ZNF385C: variants seen among roughly 807,000 people sequenced by gnomAD.
ZNF385C encodes the protein CTD-2132N18.2.
Under a neutral mutation model 35.4 loss-of-function variants are expected in ZNF385C, and 28 were observed. The ratio of observed to expected loss-of-function variants is 0.79; its 90% CI spans 0.59 to 1.08. ZNF385C has a LOEUF of 1.08. Among genes scored for constraint, ZNF385C ranks in the 50% least tolerant of loss-of-function variants. The probability of loss-of-function intolerance (pLI) is 0.00; values close to 1 mark genes in which losing one functional copy is unlikely to be tolerated. For synonymous variants in ZNF385C, 248 were observed against 248.2 expected, an observed-to-expected ratio of 1.00 and a Z score of 0.01; for missense variants, 605 against 595.6, an observed-to-expected ratio of 1.02 and a Z score of -0.16.
At chr17:42,079,169 T>G (rs1555659519) in intron 1 of ZNF385C, among the ~76,000 whole-genome samples, 1 of 127,756 alleles carries the variant, frequency 7.8e-6, no homozygotes, top group African/African-American at 3.1e-5. Context: ...CTGAGAAACA[T>G]GACAAAACCC....
chr17:42,063,988 G>T (rs1004400364), intron 1 of ZNF385C, among the ~76,000 whole-genome samples: 1 of 151,900 alleles, frequency 6.6e-6, no homozygotes, highest in Admixed American at 6.6e-5. Context: ...TGGTGGTTTC[G>T]GTAGAGACCT....
At chr17:42,063,747 G>A (rs531174475) in intron 1 of ZNF385C, among the ~76,000 whole-genome samples, 1 of 152,136 alleles carries the variant, frequency 6.6e-6, no homozygotes, top group Non-Finnish European at 1.5e-5. Context: ...TTGAGGAAGC[G>A]AGAGTCCTGT....
chr17:42,043,479 G>T lies in ZNF385C; in HGVS notation c.251-5594C>A, dbSNP rs1194072703. 4 of 1,088,626 alleles carry T rather than the reference G, an allele frequency of 3.7e-6. No individual in the cohort carries two copies. The Admixed American group carries it at 1.7e-4, about 46-fold the overall frequency. The allele number at this position is 1,088,626 out of a possible 1,614,324, so 67.4% of individuals were successfully genotyped here. On this transcript the variant is annotated intron_variant, in intron 2 of 8. Coordinates refer to ENST00000692273, the MANE Select transcript of ZNF385C (RefSeq NM_001392013.1). ...TCCCTTGACAAGGAGAGTTGATGGG[G>T]AGGCAGGCTGGGGGCAGCCCGCCAG...
intron 6 of ZNF385C, 21 bp from the exon 7 acceptor site, chr17:42,028,267 T>C (rs782285189): frequency 2.8e-5 from 42 of 1,516,000 alleles, no homozygotes; most frequent in African/African-American, 4.2e-5. Context: ...AAGAAGGCAG[T>C]CTCTCAGCAG....
chr17:42,070,127 G>A (rs1313347526), intron 1 of ZNF385C, among the ~76,000 whole-genome samples: 1 of 152,060 alleles, frequency 6.6e-6, no homozygotes, highest in Admixed American at 6.6e-5. Context: ...GGCGGATCAT[G>A]AGGTCAGGAG....
chr17:42,039,896 G>C lies in ZNF385C; in HGVS notation c.251-2011C>G, dbSNP rs1338996948. 3.2e-6 allele frequency: 4 copies of C among 1,231,440 alleles called. No homozygotes were observed. The East Asian group carries it at 9.5e-5, about 29-fold the overall frequency. 76.3% of individuals were successfully genotyped at this position (1,231,440 alleles called of 1,614,324 possible). A position where few individuals can be genotyped will look rare whatever the true frequency, so the allele number is the denominator to read the frequency against. ...CGGCTGCGGCCGACCTTGTCCAGCAGGCCAGCGCCCGCGGGCAGCGCCAAA... is the reference window on the plus strand; with the variant it reads ...CGGCTGCGGCCGACCTTGTCCAGCACGCCAGCGCCCGCGGGCAGCGCCAAA... On this transcript the variant is annotated intron_variant, in intron 2 of 8. Coordinates refer to ENST00000692273, the MANE Select transcript of ZNF385C (RefSeq NM_001392013.1).
At chr17:42,083,110 T>C (rs2053766238) in intron 1 of ZNF385C, among the ~76,000 whole-genome samples, 1 of 151,972 alleles carries the variant, frequency 6.6e-6, no homozygotes. Flanking sequence ...CAGTACCTCT[T>C]GAGAGACAAA....
At chr17:42,081,059 A>G (rs1328990787) in intron 1 of ZNF385C, among the ~76,000 whole-genome samples, 1 of 152,234 alleles carries the variant, frequency 6.6e-6, no homozygotes, top group Non-Finnish European at 1.5e-5. Context: ...AATTCACTCA[A>G]TAAACACTTA....
chr17:42,039,415 A>G, intron 2 of ZNF385C: 1 of 314,894 alleles, frequency 3.2e-6, no homozygotes, highest in Non-Finnish European at 5.8e-6. Context: ...AGAAGGGAAA[A>G]GGGTGAGCTA....
At chr17:42,093,742 G>A (rs951605485) in intron 1 of ZNF385C, among the ~76,000 whole-genome samples, 73 of 151,698 alleles carry the variant, frequency 4.8e-4, no homozygotes, top group Non-Finnish European at 1.6e-4. Flanking sequence ...CACCAAGCCC[G>A]GCTAATTTTT....
intron 1 of ZNF385C, among the ~76,000 whole-genome samples, chr17:42,086,975 C>T (rs1598206067): frequency 6.6e-6 from 1 of 151,796 alleles, no homozygotes; most frequent in East Asian, 2.0e-4. Flanking sequence ...ATTACACCAC[C>T]ACGCCCGGCT....
intron 1 of ZNF385C, among the ~76,000 whole-genome samples, chr17:42,079,502 CAAA>C (rs113892632): frequency 1.6e-5 from 2 of 127,814 alleles, no homozygotes; most frequent in African/African-American, 5.9e-5. Flanking sequence ...TCTATCTTTA[CAAA>C]AAAAAAAAAA....
chr17:42,064,073 TA>T (rs1354685565), intron 1 of ZNF385C, among the ~76,000 whole-genome samples: 2 of 129,742 alleles, frequency 1.5e-5, no homozygotes, highest in Non-Finnish European at 3.3e-5. Flanking sequence ...CACACGCACA[TA>T]CACACACACA....
In ZNF385C at chr17:42,062,996, C is replaced by G; in HGVS notation, c.61G>C (p.Ala21Pro). The change falls in exon 2 of 9, where the codon GCT becomes CCT. Residue 21 changes from alanine to proline, a missense_variant. By Grantham distance (27) the Ala-to-Pro change is conservative. Transcript: ENST00000692273. ...TCTGGGGGCCGAGGGAGGCACTCAGCAGCTCCAGATATGGGGGTCTCCTTC... is the reference window on the plus strand; with the variant it reads ...TCTGGGGGCCGAGGGAGGCACTCAGGAGCTCCAGATATGGGGGTCTCCTTC... The part of the protein sequence containing the change: ...AEKETPISGA[A>P]ECLPRPPEPP... The G allele has an allele frequency of 2.9e-6, 2 of 691,236 alleles. No homozygotes were observed. Among genetic ancestry groups the G allele is most frequent in the Non-Finnish European group, 5.3e-6 (2 of 379,666 alleles). The allele number at this position is 691,236 out of a possible 1,614,324, so 42.8% of individuals were successfully genotyped here. A position where few individuals can be genotyped will look rare whatever the true frequency, so the allele number is the denominator to read the frequency against.
At position 42,043,476 on chromosome 17, in the gene ZNF385C, G is replaced by A. The variant is rs1249542888; in HGVS notation, c.251-5591C>T. On this transcript the variant is annotated intron_variant, in intron 2 of 8. Coordinates refer to ENST00000692273, the MANE Select transcript of ZNF385C (RefSeq NM_001392013.1). ...ACCTCCCTTGACAAGGAGAGTTGAT[G>A]GGGAGGCAGGCTGGGGGCAGCCCGC... is the stretch of plus-strand genomic sequence containing the variant. 30 of 1,099,842 alleles carry A rather than the reference G, an allele frequency of 2.7e-5. No homozygotes were observed. In the East Asian group the frequency reaches 8.7e-4, roughly 32 times the overall value. The allele number at this position is 1,099,842 out of a possible 1,614,324, so 68.1% of individuals were successfully genotyped here. A position where few individuals can be genotyped will look rare whatever the true frequency, so the allele number is the denominator to read the frequency against.
chr17:42,061,616 C>G, intron 2 of ZNF385C: 1 of 152,416 alleles, frequency 6.6e-6, no homozygotes, highest in Non-Finnish European at 1.5e-5. Context: ...TGGTGTCCAG[C>G]CTGAAATAAT....
chr17:42,086,181 C>CA (rs1277284739), intron 1 of ZNF385C, among the ~76,000 whole-genome samples: 2 of 151,776 alleles, frequency 1.3e-5, no homozygotes, highest in Non-Finnish European at 2.9e-5. Context: ...CACCTGAGGT[C>CA]AGGGGTTAGA....
At chr17:42,054,728 C>T (rs868981639) in intron 2 of ZNF385C, among the ~76,000 whole-genome samples, 1 of 152,038 alleles carries the variant, frequency 6.6e-6, no homozygotes, top group Non-Finnish European at 1.5e-5. Flanking sequence ...ATTACAGGTG[C>T]CTGCCACCAT....
chr17:42,040,080 G>A (rs1454731534), intron 2 of ZNF385C: 6 of 1,231,158 alleles, frequency 4.9e-6, no homozygotes, highest in African/African-American at 4.7e-5. Flanking sequence ...GGCGCACCAC[G>A]GCAGGAGCAA....
Sources: allele counts gnomAD v4.1 joint callset (sites outside exome capture counted in the v4.1 genomes callset), GRCh38; gene constraint gnomAD v4.1.1; transcripts MANE v1.5; gene names NCBI Gene and HGNC (gene_info 2026-07-23, HGNC 2026-07-21).